Variants in EXT2 observed in about 807,000 individuals in gnomAD.
EXT2 encodes the protein exostosin glycosyltransferase 2, also known as exostosin-2.
Under a neutral mutation model 81.6 loss-of-function variants are expected in EXT2, and 53 were observed. The observed-to-expected ratio is 0.65, with a 90% CI of 0.52 to 0.82. The LOEUF (loss-of-function observed/expected upper bound fraction) is 0.82, where lower values mean the gene tolerates loss of function less well. Among genes scored for constraint, EXT2 ranks in the 40% least tolerant of loss-of-function variants. The pLI, the probability that EXT2 is intolerant of heterozygous loss-of-function variation, is 0.00. For synonymous variants in EXT2, 320 were observed against 340.0 expected, an observed-to-expected ratio of 0.94 and a Z score of 0.65; for missense variants, 774 against 910.2, an observed-to-expected ratio of 0.85 and a Z score of 1.93.
intron 9 of EXT2, among the ~76,000 whole-genome samples, chr11:44,198,697 A>G (rs1478109359): frequency 3.9e-5 from 6 of 152,244 alleles, no homozygotes; most frequent in Non-Finnish European, 8.8e-5. Context: ...CCTGCCATTT[A>G]TAGCCTATTA....
intron 8 of EXT2, among the ~76,000 whole-genome samples, chr11:44,177,067 A>G (rs1197915073): frequency 6.6e-6 from 1 of 152,188 alleles, no homozygotes; most frequent in African/African-American, 2.4e-5. Flanking sequence ...CCACACCCTC[A>G]GAACCTGAAA....
chr11:44,144,343 T>C (rs781006367), intron 7 of EXT2: 1 of 1,596,698 alleles, frequency 6.3e-7, no homozygotes, highest in East Asian at 2.2e-5. Flanking sequence ...TTCACAGGCA[T>C]GGGTGACTTA....
intron 9 of EXT2, among the ~76,000 whole-genome samples, chr11:44,201,148 G>T (rs1049295225): frequency 6.6e-6 from 1 of 152,172 alleles, no homozygotes; most frequent in African/African-American, 2.4e-5. Flanking sequence ...AGATACAAGG[G>T]CATGCTGTTT....
At chr11:44,120,807 C>T (rs1338613619) in intron 4 of EXT2, among the ~76,000 whole-genome samples, 3 of 152,192 alleles carry the variant, frequency 2.0e-5, no homozygotes, top group Non-Finnish European at 4.4e-5. Flanking sequence ...GAATTCTTGT[C>T]ATTTTCCTTC....
intron 7 of EXT2, among the ~76,000 whole-genome samples, chr11:44,146,825 G>A (rs1321965856): frequency 1.3e-5 from 2 of 152,172 alleles, no homozygotes; most frequent in African/African-American, 4.8e-5. Context: ...TCCAGAAGGG[G>A]AAGGTTGAAG....
At chr11:44,128,771 C>T (rs1405211299) in intron 6 of EXT2, among the ~76,000 whole-genome samples, 1 of 152,206 alleles carries the variant, frequency 6.6e-6, no homozygotes, top group Non-Finnish European at 1.5e-5. Flanking sequence ...CACTGGCTGG[C>T]TTTTTGATCT....
intron 7 of EXT2, among the ~76,000 whole-genome samples, chr11:44,161,553 A>G (rs1393371619): frequency 5.9e-5 from 9 of 152,146 alleles, no homozygotes; most frequent in African/African-American, 1.9e-4. Context: ...ATAGTTTTTA[A>G]TCCTTTCAAA....
chr11:44,229,071 TTA>T (rs1955869518), intron 10 of EXT2, among the ~76,000 whole-genome samples: 1 of 152,140 alleles, frequency 6.6e-6, no homozygotes, highest in Admixed American at 6.5e-5. Context: ...TGGTGTTTAG[TTA>T]TGTGTGCTTG....
intron 9 of EXT2, among the ~76,000 whole-genome samples, chr11:44,199,299 A>G (rs1955495038): frequency 6.6e-6 from 1 of 152,216 alleles, no homozygotes; most frequent in Non-Finnish European, 1.5e-5. Context: ...AGAGACAATT[A>G]TAAGGAACTA....
chr11:44,196,898 G>A (rs1334928243), intron 8 of EXT2, among the ~76,000 whole-genome samples: 1 of 152,128 alleles, frequency 6.6e-6, no homozygotes, highest in Non-Finnish European at 1.5e-5. Context: ...TCTAGAATCT[G>A]CTCATGATTG....
intron 8 of EXT2, among the ~76,000 whole-genome samples, chr11:44,177,455 A>G (rs546618339): frequency 2.0e-5 from 3 of 152,252 alleles, no homozygotes; most frequent in East Asian, 1.9e-4. Flanking sequence ...TTCTCCTTGG[A>G]CACCCTCCTC....
rs1389258099 is a variant in EXT2, at chr11:44,125,004, TCTCGCAAAGG to T, written c.939+24_939+33del. 6.2e-7 allele frequency: 1 copy of T among 1,610,394 alleles called. No homozygotes were observed. On this transcript the variant is annotated intron_variant, in intron 5 of 13. Coordinates refer to ENST00000533608, the MANE Select transcript of EXT2 (RefSeq NM_207122.2). ...CTACAGGTGAGTGTCATTCATTACC[TCTCGCAAAGG>T]CTCAGGAGAGTTTGCTTACATGGGT...
At chr11:44,171,768 A>T (rs763628862) in intron 8 of EXT2, 26 bp downstream of exon 8, 1 of 1,613,598 alleles carries the variant, frequency 6.2e-7, no homozygotes, top group East Asian at 2.2e-5. Context: ...TGCTAGCCAC[A>T]TGAGGCATGG....
At chr11:44,187,070 G>GTCCC (rs546545560) in intron 8 of EXT2, among the ~76,000 whole-genome samples, 1 of 79,660 alleles carries the variant, frequency 1.3e-5, no homozygotes, top group Non-Finnish European at 2.4e-5. Flanking sequence ...CCCTCCCTCC[G>GTCCC]TCCCTCCCTC....
chr11:44,144,319 A>G, intron 7 of EXT2: 2 of 1,598,408 alleles, frequency 1.3e-6, no homozygotes, highest in Non-Finnish European at 1.7e-6. Flanking sequence ...GATCTGGCCT[A>G]GGGAACAGTG....
At chr11:44,208,446 A>G (rs1360096678) in intron 10 of EXT2, among the ~76,000 whole-genome samples, 1 of 152,222 alleles carries the variant, frequency 6.6e-6, no homozygotes, top group Admixed American at 6.5e-5. Flanking sequence ...AGCAACTAAG[A>G]CTATGTTAAT....
intron 8 of EXT2, among the ~76,000 whole-genome samples, chr11:44,196,171 T>A (rs921053007): frequency 6.6e-6 from 1 of 152,256 alleles, no homozygotes; most frequent in African/African-American, 2.4e-5. Context: ...ACATTTCACA[T>A]TTAACTGATA....
At position 44,225,424 on chromosome 11, in the gene EXT2, A is replaced by G. The variant is rs1409104067; in HGVS notation, c.1663-6929A>G. ...TCTTTGCTAGATGGAAACCACATTC[A>G]CAAAGAGCCTGTAGCTTTTAGAAAT... On this transcript the variant is annotated intron_variant, in intron 10 of 13. Transcript: ENST00000533608. 2.0e-5 allele frequency among the ~76,000 whole-genome samples: 3 copies of G among 152,158 alleles called. No individual in the cohort carries two copies. The East Asian group carries it at 5.8e-4, about 29-fold the overall frequency.
chr11:44,193,874 A>G (rs1955423867), intron 8 of EXT2, among the ~76,000 whole-genome samples: 2 of 152,068 alleles, frequency 1.3e-5, no homozygotes, highest in Admixed American at 6.6e-5. Context: ...ACATTAAGAA[A>G]AGTTACTGTC....
Sources: gnomAD v4.1 joint callset for allele counts (sites outside exome capture counted in the v4.1 genomes callset) on GRCh38, gnomAD v4.1.1 for gene constraint, MANE v1.5 for transcripts, NCBI Gene and HGNC (gene_info 2026-07-23, HGNC 2026-07-21) for gene names.